STMN4: variants seen among roughly 807,000 people sequenced by gnomAD.
STMN4 encodes the protein stathmin 4.
Under a neutral mutation model 29.1 loss-of-function variants are expected in STMN4, and 12 were observed. The observed-to-expected ratio is 0.41, with a 90% CI of 0.26 to 0.67. The LOEUF is 0.67. Among genes scored for constraint, STMN4 ranks in the 30% least tolerant of loss-of-function variants. The pLI is 0.30. For missense variants in STMN4, 181 were observed against 262.8 expected, an observed-to-expected ratio of 0.69 and a Z score of 2.15; for synonymous variants, 114 against 105.3, an observed-to-expected ratio of 1.08 and a Z score of -0.51.
At chr8:27,250,911 C>T (rs1034064500) in intron 1 of STMN4, among the ~76,000 whole-genome samples, 1 of 152,176 alleles carries the variant, frequency 6.6e-6, no homozygotes, top group Non-Finnish European at 1.5e-5. Context: ...CCAAATAATC[C>T]ACAATGATGG....
At chr8:27,253,214 G>A (rs995653388) in intron 1 of STMN4, among the ~76,000 whole-genome samples, 15 of 152,304 alleles carry the variant, frequency 9.8e-5, no homozygotes, top group African/African-American at 2.6e-4. Context: ...ATTGAACTAC[G>A]CTGAAAGAAA....
chr8:27,238,115 G>A (rs1801362118), intron 6 of STMN4, among the ~76,000 whole-genome samples: 1 of 152,140 alleles, frequency 6.6e-6, no homozygotes, highest in African/African-American at 2.4e-5. Context: ...ACAGGGCAGG[G>A]GTTCCCAAAC....
intron 1 of STMN4, among the ~76,000 whole-genome samples, chr8:27,246,449 G>A (rs1039216581): frequency 6.6e-6 from 1 of 152,152 alleles, no homozygotes; most frequent in Non-Finnish European, 1.5e-5. Flanking sequence ...ATGAAATCGA[G>A]GCTCAGGGAA....
rs1033071750 is a variant in STMN4, at chr8:27,236,742, C to T, written c.*104G>A. The stretch of plus-strand genomic sequence containing the variant: ...AACGCCCCTTGGCCACCCCCCTCCC[C>T]CCAAACCCCAGTGCTGGGAGCGCAG... On this transcript the variant is annotated 3_prime_UTR_variant, in exon 7 of 7. Coordinates refer to ENST00000350889, the MANE Select transcript of STMN4 (RefSeq NM_030795.4). 4.4e-6 allele frequency: 5 copies of T among 1,139,174 alleles called. No homozygotes were observed. The highest frequency in any genetic ancestry group is 3.2e-5 in the African/African-American group (2 of 62,518). 70.6% of individuals were successfully genotyped at this position (1,139,174 alleles called of 1,614,324 possible). A position where few individuals can be genotyped will look rare whatever the true frequency, so the allele number is the denominator to read the frequency against.
At chr8:27,240,931 A>T in intron 5 of STMN4, 123 bp downstream of exon 5, 1 of 948,668 alleles carries the variant, frequency 1.1e-6, no homozygotes, top group Non-Finnish European at 1.5e-6. Flanking sequence ...CACACTCGGG[A>T]GATGCTCCCT....
At chr8:27,246,286 C>A (rs1222784080) in intron 1 of STMN4, among the ~76,000 whole-genome samples, 1 of 152,148 alleles carries the variant, frequency 6.6e-6, no homozygotes, top group African/African-American at 2.4e-5. Context: ...TAGAGGTGGG[C>A]AGAGGTATGC....
chr8:27,243,596 C>CA, intron 2 of STMN4, 115 bp downstream of exon 2: 1 of 1,139,006 alleles, frequency 8.8e-7, no homozygotes, highest in Non-Finnish European at 1.3e-6. Flanking sequence ...CTGCACCCCC[C>CA]CACACACCCC....
At chr8:27,253,552 C>A (rs1284438251) in intron 1 of STMN4, among the ~76,000 whole-genome samples, 2 of 152,202 alleles carry the variant, frequency 1.3e-5, no homozygotes, top group African/African-American at 4.8e-5. Flanking sequence ...TTATGCAAAG[C>A]ACTAGGGATC....
intron 1 of STMN4, among the ~76,000 whole-genome samples, chr8:27,254,540 T>C (rs1259121853): frequency 2.0e-5 from 3 of 152,098 alleles, no homozygotes; most frequent in Non-Finnish European, 2.9e-5. Flanking sequence ...TCAGTTTTAA[T>C]TGATGGAAAG....
rs906457225 is a variant in STMN4, at chr8:27,236,696, A to G, written c.*150T>C. On this transcript the variant is annotated 3_prime_UTR_variant, in exon 7 of 7. Transcript: ENST00000350889. Reference sequence around the variant, plus strand: ...CTTCACTGGTCAATTCTTAACATGTACAAACACCAAAAGCAGAGGAAACGC... The same window carrying G: ...CTTCACTGGTCAATTCTTAACATGTGCAAACACCAAAAGCAGAGGAAACGC... 1 of 618,506 alleles carries G rather than the reference A, an allele frequency of 1.6e-6. No individual in the cohort carries two copies. The highest frequency in any genetic ancestry group is 2.5e-5 in the South Asian group (1 of 40,242). The allele number at this position is 618,506 out of a possible 1,614,324, so 38.3% of individuals were successfully genotyped here.
chr8:27,255,706 G>A (rs1801920645), intron 1 of STMN4, among the ~76,000 whole-genome samples: 1 of 151,978 alleles, frequency 6.6e-6, no homozygotes, highest in South Asian at 2.1e-4. Context: ...TATTTTAAAA[G>A]TTATCAATCA....
intron 1 of STMN4, among the ~76,000 whole-genome samples, chr8:27,247,412 A>C (rs1801657326): frequency 6.6e-6 from 1 of 152,220 alleles, no homozygotes; most frequent in South Asian, 2.1e-4. Flanking sequence ...GAAGATAAAA[A>C]GGTGGGAAGC....
At chr8:27,250,851 T>G (rs1288245602) in intron 1 of STMN4, among the ~76,000 whole-genome samples, 2 of 152,208 alleles carry the variant, frequency 1.3e-5, no homozygotes, top group African/African-American at 4.8e-5. Flanking sequence ...CTAACAGCTA[T>G]GTTAAGAGGC....
At chr8:27,239,561 T>G in intron 6 of STMN4, 1 of 808,122 alleles carries the variant, frequency 1.2e-6, no homozygotes. Context: ...CAGCTCATCA[T>G]ACCCGTGACT....
Position 27,236,795 on chromosome 8 carries a change from G to C in STMN4, c.*51C>G. ...GGCGGGCGAGGCTGCCTGGAACGTGGAGCTGCTGGAGCTGTCCGGCTGACC... is the reference window on the plus strand; with the variant it reads ...GGCGGGCGAGGCTGCCTGGAACGTGCAGCTGCTGGAGCTGTCCGGCTGACC... On this transcript the variant is annotated 3_prime_UTR_variant, in exon 7 of 7. Transcript: ENST00000350889. 1 of 1,512,918 alleles carries C rather than the reference G, an allele frequency of 6.6e-7. No homozygotes were observed. The highest frequency in any genetic ancestry group is 8.9e-7 in the Non-Finnish European group (1 of 1,129,498). The allele number at this position is 1,512,918 out of a possible 1,614,324, so 93.7% of individuals were successfully genotyped here. A position where few individuals can be genotyped will look rare whatever the true frequency, so the allele number is the denominator to read the frequency against.
chr8:27,249,496 T>C (rs1801724277), intron 1 of STMN4, among the ~76,000 whole-genome samples: 1 of 152,186 alleles, frequency 6.6e-6, no homozygotes, highest in Non-Finnish European at 1.5e-5. Context: ...AATAGCCTCC[T>C]ACTTGGGGAC....
intron 1 of STMN4, among the ~76,000 whole-genome samples, chr8:27,256,956 G>A (rs1801959121): frequency 6.6e-6 from 1 of 152,156 alleles, no homozygotes; most frequent in South Asian, 2.1e-4. Context: ...GCTCACTCCA[G>A]AGCTGTTCCA....
At chr8:27,250,984 C>T (rs1028077012) in intron 1 of STMN4, among the ~76,000 whole-genome samples, 2 of 151,682 alleles carry the variant, frequency 1.3e-5, no homozygotes, top group African/African-American at 4.8e-5. Flanking sequence ...TGCGATGGCT[C>T]ATGCCTGTAA....
intron 1 of STMN4, among the ~76,000 whole-genome samples, chr8:27,247,645 G>A (rs1801663929): frequency 1.3e-5 from 2 of 152,338 alleles, no homozygotes; most frequent in Middle Eastern, 3.4e-3. Flanking sequence ...GCCTGCAAGG[G>A]AGCGAGGGCC....
Sources: allele counts gnomAD v4.1 joint callset (sites outside exome capture counted in the v4.1 genomes callset), GRCh38; gene constraint gnomAD v4.1.1; transcripts MANE v1.5; gene names NCBI Gene and HGNC (gene_info 2026-07-23, HGNC 2026-07-21).